CRB1: variants seen among roughly 807,000 people sequenced by gnomAD.
The protein encoded by CRB1 is crumbs cell polarity complex component 1.
Under a neutral mutation model 120.0 loss-of-function variants are expected in CRB1, and 83 were observed. That is an observed-to-expected ratio of 0.69 (90% CI 0.58 to 0.83). The LOEUF is 0.83. Among genes scored for constraint, CRB1 ranks in the 40% least tolerant of loss-of-function variants. The pLI, the probability that CRB1 is intolerant of heterozygous loss-of-function variation, is 0.00. For synonymous variants in CRB1, 625 were observed against 612.5 expected, an observed-to-expected ratio of 1.02 and a Z score of -0.30; for missense variants, 1,699 against 1,687.6, an observed-to-expected ratio of 1.01 and a Z score of -0.12.
At chr1:197,438,451 G>A (rs1665267225) in intron 9 of CRB1, 96 bp from the exon 10 acceptor site, 6 of 1,452,672 alleles carry the variant, frequency 4.1e-6, no homozygotes, top group South Asian at 3.4e-5. Flanking sequence ...TACTTAATTA[G>A]CTTGGCATTG....
chr1:197,426,292 T>C (rs149972094), intron 6 of CRB1, among the ~76,000 whole-genome samples: 111 of 152,194 alleles, frequency 7.3e-4, no homozygotes, highest in South Asian at 2.5e-3. Flanking sequence ...TACAATAATG[T>C]AGTATAACTT....
At chr1:197,260,900 T>C in the CRB1 span, among the ~76,000 whole-genome samples, 1 of 152,240 alleles carries the variant, frequency 6.6e-6, no homozygotes, top group South Asian at 2.1e-4. Context: ...TTTCACCATA[T>C]TGGCCAGGCT....
intron 11 of CRB1, among the ~76,000 whole-genome samples, chr1:197,467,784 A>G (rs1177211910): frequency 1.3e-5 from 2 of 152,228 alleles, no homozygotes; most frequent in African/African-American, 4.8e-5. Context: ...CCCAGCAGAT[A>G]CATAAAAAGG....
At chr1:197,397,833 A>T (rs1207181994) in intron 5 of CRB1, among the ~76,000 whole-genome samples, 4 of 152,198 alleles carry the variant, frequency 2.6e-5, no homozygotes, top group African/African-American at 9.6e-5. Flanking sequence ...AACAAAGAGC[A>T]TTGAGAACTG....
At chr1:197,469,676 A>G (rs1666898348) in intron 11 of CRB1, among the ~76,000 whole-genome samples, 1 of 152,218 alleles carries the variant, frequency 6.6e-6, no homozygotes, top group Non-Finnish European at 1.5e-5. Flanking sequence ...AGCTTTTCTG[A>G]GACCAAAATA....
At chr1:197,385,982 C>G (rs190425435) in intron 5 of CRB1, among the ~76,000 whole-genome samples, 1 of 152,116 alleles carries the variant, frequency 6.6e-6, no homozygotes, top group Non-Finnish European at 1.5e-5. Context: ...CATTTCCCAG[C>G]AAAGTTGTTG....
chr1:197,246,628 AAGT>A, the CRB1 span, among the ~76,000 whole-genome samples: 1 of 152,190 alleles, frequency 6.6e-6, no homozygotes, highest in Admixed American at 6.6e-5. Context: ...TTCCTGGAAG[AAGT>A]CGCAAGAATT....
At chr1:197,460,561 A>G (rs1666483850) in intron 11 of CRB1, among the ~76,000 whole-genome samples, 1 of 152,134 alleles carries the variant, frequency 6.6e-6, no homozygotes, top group African/African-American at 2.4e-5. Context: ...TGCACTCAAC[A>G]TGCAATGCCT....
the CRB1 span, among the ~76,000 whole-genome samples, chr1:197,224,406 C>G: frequency 6.6e-6 from 1 of 152,074 alleles, no homozygotes; most frequent in South Asian, 2.1e-4. Flanking sequence ...CTGGAGGGTG[C>G]AATTTGTCAG....
chr1:197,311,876 C>A (rs781303478), intron 1 of CRB1, among the ~76,000 whole-genome samples: 4 of 152,050 alleles, frequency 2.6e-5, no homozygotes, highest in African/African-American at 4.8e-5. Context: ...TTTGTAGGAG[C>A]TCTTTATCTG....
chr1:197,345,862 A>C (rs1037195647), intron 3 of CRB1, among the ~76,000 whole-genome samples: 2 of 152,076 alleles, frequency 1.3e-5, no homozygotes, highest in Admixed American at 1.3e-4. Flanking sequence ...TATAACTTTT[A>C]ATTACATTCC....
chr1:197,261,377 A>G, the CRB1 span, among the ~76,000 whole-genome samples: 1 of 152,270 alleles, frequency 6.6e-6, no homozygotes, highest in Admixed American at 6.5e-5. Flanking sequence ...AAATGAAATC[A>G]TTAAACTATA....
the CRB1 span, among the ~76,000 whole-genome samples, chr1:197,236,398 G>A: frequency 6.6e-6 from 1 of 151,798 alleles, no homozygotes; most frequent in African/African-American, 2.4e-5. Context: ...ATGCGGTTTC[G>A]CCATGTTGGC....
At chr1:197,240,384 C>T in the CRB1 span, among the ~76,000 whole-genome samples, 1 of 152,104 alleles carries the variant, frequency 6.6e-6, no homozygotes, top group Non-Finnish European at 1.5e-5. Flanking sequence ...CACCCTTTGA[C>T]AGGCCCTGGT....
intron 1 of CRB1, among the ~76,000 whole-genome samples, chr1:197,288,480 A>G (rs1655966549): frequency 6.6e-6 from 1 of 151,920 alleles, no homozygotes; most frequent in Non-Finnish European, 1.5e-5. Flanking sequence ...AGGCATGCAT[A>G]GAAACAGGAA....
intron 5 of CRB1, chr1:197,363,746 C>A (rs764945946): frequency 7.4e-5 from 41 of 555,324 alleles, no homozygotes; most frequent in Non-Finnish European, 1.3e-4. Context: ...GCCTCCTTGC[C>A]ATCCCTGCCC....
the CRB1 span, among the ~76,000 whole-genome samples, chr1:197,250,494 C>T: frequency 1.4e-4 from 21 of 151,952 alleles, no homozygotes; most frequent in Non-Finnish European, 1.8e-4. Flanking sequence ...TGCTTTCATT[C>T]TATTAATGTC....
At chr1:197,448,221 G>C (rs1479496390) in intron 11 of CRB1, among the ~76,000 whole-genome samples, 1 of 152,164 alleles carries the variant, frequency 6.6e-6, no homozygotes, top group East Asian at 1.9e-4. Flanking sequence ...ACTCACAACA[G>C]AGTTTTTCTT....
rs575959040 is a variant in CRB1 at position 197,335,540 on chromosome 1, C to T, written c.652+6537C>T. Among the ~76,000 whole-genome samples the T allele has an allele frequency of 2.6e-5, 4 of 151,856 alleles. No individual in the cohort carries two copies. The East Asian group carries it at 7.8e-4, about 29-fold the overall frequency. The stretch of plus-strand genomic sequence containing the variant: ...TTCAGATGGAGTCTCTCTCTGTTGC[C>T]CAGGCTGGAGTGCAGTGGTGCAATC... On this transcript the variant is annotated intron_variant, in intron 2 of 11. Coordinates refer to ENST00000367400, the MANE Select transcript of CRB1 (RefSeq NM_201253.3).
Sources: allele counts gnomAD v4.1 joint callset (sites outside exome capture counted in the v4.1 genomes callset), GRCh38; gene constraint gnomAD v4.1.1; transcripts MANE v1.5; gene names NCBI Gene and HGNC (gene_info 2026-07-23, HGNC 2026-07-21).